ZNF479: variants seen among roughly 807,000 people sequenced by gnomAD.
The protein encoded by ZNF479 is KRAB zinc finger protein KR19.
A neutral mutation model predicts 14.7 loss-of-function variants in ZNF479; 15 were observed. The ratio of observed to expected loss-of-function variants is 1.02; its 90% CI spans 0.68 to 1.57. The LOEUF (loss-of-function observed/expected upper bound fraction) is 1.57. ZNF479 is among the 40% of genes most tolerant of loss of function. ZNF479 has a pLI of 0.00. For missense variants in ZNF479, 506 were observed against 615.1 expected (o/e 0.82, Z 1.88); for synonymous variants, 145 against 211.5 (o/e 0.69, Z 2.73).
At chr7:57,137,434 C>CGATTACAGG (rs551884404), upstream of ZNF479, among the ~76,000 whole-genome samples, 289 of 152,192 alleles carry the variant, frequency 1.9e-3, 3 homozygotes, top group African/African-American at 6.8e-3. Flanking sequence ...CAAAGTGCTA[C>CGATTACAGG]GATTACAGGC....
chr7:57,132,788 G>A (rs1233987382), upstream of ZNF479, among the ~76,000 whole-genome samples: 2 of 151,982 alleles, frequency 1.3e-5, 1 homozygote, highest in South Asian at 4.1e-4. Context: ...TCCTTGCTGC[G>A]GATCCTTTGC....
intron 1 of ZNF479, among the ~76,000 whole-genome samples, chr7:57,131,728 C>T (rs914668902): frequency 2.6e-5 from 4 of 152,060 alleles, no homozygotes; most frequent in Admixed American, 2.6e-4. Context: ...CATAACTGTA[C>T]CAAACCAATT....
intron 3 of ZNF479, among the ~76,000 whole-genome samples, chr7:57,125,448 A>G (rs1443092348): frequency 1.3e-5 from 2 of 151,488 alleles, no homozygotes; most frequent in Non-Finnish European, 2.9e-5. Context: ...CATAAAAGGT[A>G]CCCTGCTTGC....
chr7:57,131,095 T>A (rs1786398089), intron 1 of ZNF479, among the ~76,000 whole-genome samples: 1 of 152,032 alleles, frequency 6.6e-6, no homozygotes, highest in Non-Finnish European at 1.5e-5. Flanking sequence ...ACACTGAGGG[T>A]AGAGGTCTGT....
rs1243878492 is a variant in ZNF479, at chr7:57,120,932, T to C, written c.483A>G (p.Lys161=). The C allele has an allele frequency of 6.2e-7, 1 of 1,613,908 alleles. No homozygotes were observed. The highest frequency in any genetic ancestry group is 8.5e-7 in the Non-Finnish European group (1 of 1,179,980). The change falls in exon 4 of 4, where the codon AAA becomes AAG. Residue 161 remains lysine, a synonymous_variant. Coordinates refer to ENST00000319636, the MANE Select transcript of ZNF479 (RefSeq NM_001370129.2). ...AAAATTTACCAAAGACTTTGACATA[T>C]TTATGAGTCTGAAATATTTTGTTTT... The part of the protein sequence containing the change: ...TTQNKIFQTH[K]YVKVFGKFSN...
chr7:57,124,000 A>T (rs1786055422), intron 3 of ZNF479, among the ~76,000 whole-genome samples: 1 of 152,080 alleles, frequency 6.6e-6, no homozygotes, highest in South Asian at 2.1e-4. Context: ...TTAATTTAAT[A>T]TTTTTTCTCA....
chr7:57,132,080 A>G (rs1279007330), intron 1 of ZNF479, among the ~76,000 whole-genome samples: 1 of 152,274 alleles, frequency 6.6e-6, no homozygotes, highest in Admixed American at 6.5e-5. Context: ...ACTGCAGAGG[A>G]AAAAGACAAA....
chr7:57,130,408 G>T (rs1395555505), intron 1 of ZNF479, among the ~76,000 whole-genome samples: 1 of 151,988 alleles, frequency 6.6e-6, no homozygotes, highest in Admixed American at 6.6e-5. Flanking sequence ...GGAAGGCAGA[G>T]GTTGCAGTGA....
intron 1 of ZNF479, among the ~76,000 whole-genome samples, 154 bp downstream of exon 1, chr7:57,132,132 G>A (rs1306395769): frequency 6.6e-6 from 1 of 152,164 alleles, no homozygotes; most frequent in East Asian, 1.9e-4. Context: ...CCATCTTGCG[G>A]CTGGAGGGGA....
intron 1 of ZNF479, among the ~76,000 whole-genome samples, chr7:57,127,344 C>T (rs1562849599): frequency 6.6e-6 from 1 of 152,130 alleles, no homozygotes; most frequent in East Asian, 1.9e-4. Context: ...TTTTTGAGTG[C>T]TATATTTACA....
rs1785785737 is a variant in ZNF479 at position 57,118,918 on chromosome 7, A to G, written c.*922T>C. On this transcript the variant is annotated 3_prime_UTR_variant, in exon 4 of 4. Coordinates refer to ENST00000319636, the MANE Select transcript of ZNF479 (RefSeq NM_001370129.2). ...TCCTTGCCACATTTAACACATTTCT[A>G]GAGTTTCTCACCAGTATGATTTCTC... is the stretch of plus-strand genomic sequence containing the variant. Among the ~76,000 whole-genome samples the G allele has an allele frequency of 2.0e-5, 3 of 152,232 alleles. No homozygotes were observed. The South Asian group carries it at 6.2e-4, about 31-fold the overall frequency.
intron 2 of ZNF479, 53 bp downstream of exon 2, chr7:57,126,539 T>A: frequency 6.4e-7 from 1 of 1,552,644 alleles, no homozygotes. Flanking sequence ...CAAAAACATC[T>A]TAGAAAAGAG....
upstream of ZNF479, chr7:57,132,452 G>A (rs1205651867): frequency 9.2e-6 from 13 of 1,412,640 alleles, no homozygotes; most frequent in Non-Finnish European, 1.2e-5. Context: ...GCAAAATTAC[G>A]GAAGTAGCCT....
chr7:57,134,214 C>T (rs187640937), upstream of ZNF479, among the ~76,000 whole-genome samples: 105 of 152,118 alleles, frequency 6.9e-4, no homozygotes, highest in East Asian at 1.9e-4. Context: ...AAGATTGGCA[C>T]GAGATCCATT....
At chr7:57,126,220 T>C in intron 2 of ZNF479, 107 bp from the exon 3 acceptor site, 3 of 1,278,674 alleles carry the variant, frequency 2.3e-6, no homozygotes, top group South Asian at 1.5e-5. Flanking sequence ...AGATTAATAT[T>C]GATTCATAAT....
rs782074828 is a variant in ZNF479 at position 57,121,148 on chromosome 7, C to T, written c.267G>A (p.Thr89=). The T allele has an allele frequency of 1.2e-4, 201 of 1,613,348 alleles. No individual in the cohort carries two copies. Among genetic ancestry groups the T allele is most frequent in the Middle Eastern group, 3.3e-4 (2 of 6,076 alleles). Reference sequence around the variant, plus strand: ...GAAGGTCTTGGGTGAAATGGGAACGCGTAACTGAAAGACACAAAAAGCACA... The same window carrying T: ...GAAGGTCTTGGGTGAAATGGGAACGTGTAACTGAAAGACACAAAAAGCACA... ...RNEMVAKHPV[T]RSHFTQDLQP... Residue 89 remains threonine, a synonymous_variant, in exon 4 of 4, where the codon ACG becomes ACA. Coordinates refer to ENST00000319636, the MANE Select transcript of ZNF479 (RefSeq NM_001370129.2).
At chr7:57,121,759 TCAAA>T (rs1326291516) in intron 3 of ZNF479, among the ~76,000 whole-genome samples, 6 of 152,002 alleles carry the variant, frequency 3.9e-5, no homozygotes, top group Admixed American at 6.6e-5. Flanking sequence ...TGTCTAAATC[TCAAA>T]CAAAGATTAC....
intron 1 of ZNF479, 37 bp from the exon 2 acceptor site, chr7:57,126,755 C>A (rs377462377): frequency 3.7e-6 from 6 of 1,613,376 alleles, no homozygotes; most frequent in Admixed American, 1.7e-5. Context: ...CATGAACACA[C>A]AAGCACTTAC....
intron 3 of ZNF479, 27 bp downstream of exon 3, chr7:57,125,991 T>A: frequency 6.3e-7 from 1 of 1,598,424 alleles, no homozygotes; most frequent in South Asian, 1.1e-5. Flanking sequence ...CTCATCTGTC[T>A]CATCTGCTTC....
Sources: gnomAD v4.1 joint callset for allele counts (sites outside exome capture counted in the v4.1 genomes callset) on GRCh38, gnomAD v4.1.1 for gene constraint, MANE v1.5 for transcripts, NCBI Gene and HGNC (gene_info 2026-07-23, HGNC 2026-07-21) for gene names.